Variants in THOC2 observed in about 807,000 individuals in gnomAD.
The protein encoded by THOC2 is THO complex subunit 2.
In THOC2, 10 loss-of-function variants were observed where a neutral mutation model predicts 128.4. That is an observed-to-expected ratio of 0.08 (90% confidence interval 0.05 to 0.13). The LOEUF (loss-of-function observed/expected upper bound fraction) is 0.13, where lower values mean the gene tolerates loss of function less well. Among genes scored for constraint, THOC2 ranks in the 10% least tolerant of loss-of-function variants. The pLI is 1.00. For synonymous variants in THOC2, 393 were observed against 396.9 expected, an observed-to-expected ratio of 0.99 and a Z score of 0.12; for missense variants, 535 against 1,155.7, an observed-to-expected ratio of 0.46 and a Z score of 7.79.
In THOC2 at chrX:123,665,698, G is replaced by T; in HGVS notation, c.1330C>A (p.His444Asn). Residue 444 changes from histidine to asparagine, a missense_variant, in exon 12 of 39, where the codon CAC becomes AAC. Around this residue, in one of 9 missense-constraint regions of THOC2, gnomAD observed 197 missense variants for 313.4 expected, o/e 0.63. Transcript: ENST00000245838. ...MFCYLGPHLS[H>N]DPILFAKVVR... ...ACTTTTGCAAATAAAATGGGATCGT[G>T]AGAAAGGTGAGGACCAAGGTAACAG... 1.7e-6 allele frequency: 2 copies of T among 1,201,260 alleles called. No homozygotes were observed. The highest frequency in any genetic ancestry group is 2.2e-6 in the Non-Finnish European group (2 of 890,160).
intron 12 of THOC2, among the ~76,000 whole-genome samples, chrX:123,662,852 G>A (rs1041646644): frequency 9.0e-6 from 1 of 111,591 alleles, no homozygotes; most frequent in Non-Finnish European, 1.9e-5. Context: ...ATAAGCACAT[G>A]AAAAGATGAT....
In THOC2 at chrX:123,671,771, TA is replaced by T. The variant is rs201356571; in HGVS notation, c.769-11del. 3.4e-3 allele frequency: 3,428 copies of T among 999,454 alleles called. No homozygotes were observed. Among genetic ancestry groups the T allele is most frequent in the Admixed American group, 5.9e-3 (204 of 34,542 alleles). The allele number at this position is 999,454 out of a possible 1,213,427, so 82.4% of individuals were successfully genotyped here. The stretch of plus-strand genomic sequence containing the variant: ...TCTCGCCATTTGGTTCCTAGAAATA[TA>T]AAAAAAAAAGTTTCCATTTAGTGCA... On this transcript the variant is annotated splice_polypyrimidine_tract_variant and intron_variant, in intron 8 of 38. Transcript: ENST00000245838.
chrX:123,619,372 T>C (rs776012708), intron 33 of THOC2, 29 bp downstream of exon 33: 2 of 993,532 alleles, frequency 2.0e-6, no homozygotes, highest in Non-Finnish European at 2.8e-6. Context: ...TTGGTTTACT[T>C]AGGCATGATG....
At chrX:123,662,635 A>G (rs1320153202) in intron 12 of THOC2, among the ~76,000 whole-genome samples, 2 of 110,231 alleles carry the variant, frequency 1.8e-5, no homozygotes, top group Non-Finnish European at 3.8e-5. Context: ...ATTAAACGTT[A>G]AAATTTTTTG....
chrX:123,603,866 AC>A (rs2046372498), intron 38 of THOC2: 1 of 153,315 alleles, frequency 6.5e-6, no homozygotes, highest in East Asian at 1.5e-4. Flanking sequence ...AGGATTACAA[AC>A]TTGAAAACTG....
intron 13 of THOC2, among the ~76,000 whole-genome samples, 179 bp downstream of exon 13, chrX:123,645,154 AG>A (rs915337677): frequency 4.5e-5 from 5 of 112,145 alleles, no homozygotes; most frequent in African/African-American, 1.6e-4. Context: ...TTTCAACATC[AG>A]GGGAAAAAAT....
intron 22 of THOC2, among the ~76,000 whole-genome samples, chrX:123,631,197 C>T (rs1471235555): frequency 8.9e-6 from 1 of 111,792 alleles, no homozygotes; most frequent in African/African-American, 3.2e-5. Context: ...GTCAAGAAAT[C>T]AGGTACCCTC....
At chrX:123,686,034 T>C (rs368551980) in intron 8 of THOC2, among the ~76,000 whole-genome samples, 1 of 111,145 alleles carries the variant, frequency 9.0e-6, no homozygotes, top group Non-Finnish European at 1.9e-5. Flanking sequence ...AAAAAATAAA[T>C]AAATAAAAAT....
At chrX:123,705,521 T>A (rs1186650657) in intron 3 of THOC2, among the ~76,000 whole-genome samples, 2 of 110,711 alleles carry the variant, frequency 1.8e-5, no homozygotes, top group African/African-American at 6.5e-5. Flanking sequence ...GAAAGATTGG[T>A]AGCAACTGAA....
chrX:123,696,295 T>G, intron 6 of THOC2, 141 bp from the exon 7 acceptor site: 1 of 432,136 alleles, frequency 2.3e-6, no homozygotes, highest in Non-Finnish European at 3.8e-6. Flanking sequence ...TACCTCTTTG[T>G]GTACCTTTTA....
intron 38 of THOC2, chrX:123,603,401 T>A: frequency 3.0e-6 from 1 of 337,714 alleles, no homozygotes; most frequent in Non-Finnish European, 5.1e-6. Context: ...AACTGGTTCC[T>A]GGAGGCGATT....
At position 123,657,891 on chromosome X, in the gene THOC2, CTAATA is replaced by C. The variant is rs201445296; in HGVS notation, c.1386+7746_1386+7750del. Reference sequence around the variant, plus strand: ...AAATGTTTATTTTTCTTATGCTTAACTAATATAACAAAAATAAGTTTGTTCAAAAT... The same window carrying C: ...AAATGTTTATTTTTCTTATGCTTAACTAACAAAAATAAGTTTGTTCAAAAT... On this transcript the variant is annotated intron_variant, in intron 12 of 38. Coordinates refer to ENST00000245838, the MANE Select transcript of THOC2 (RefSeq NM_001081550.2). Among the ~76,000 whole-genome samples the C allele has an allele frequency of 4.7e-3, 514 of 110,325 alleles. 4 individuals are homozygous for C. Among genetic ancestry groups the C allele is most frequent in the African/African-American group, 0.015 (463 of 30,324 alleles).
chrX:123,713,839 AG>A (rs1049288302), intron 1 of THOC2, among the ~76,000 whole-genome samples: 1 of 106,536 alleles, frequency 9.4e-6, no homozygotes, highest in Non-Finnish European at 1.9e-5. Context: ...CCTGGGAGAC[AG>A]GAAAAAAAAA....
intron 12 of THOC2, among the ~76,000 whole-genome samples, chrX:123,655,415 T>C (rs1173792600): frequency 2.7e-5 from 3 of 112,089 alleles, no homozygotes; most frequent in Non-Finnish European, 3.8e-5. Context: ...GTTTATAAAC[T>C]ACAGTTTTGG....
intron 33 of THOC2, among the ~76,000 whole-genome samples, chrX:123,615,111 T>C (rs2046842185): frequency 8.9e-6 from 1 of 111,733 alleles, no homozygotes; most frequent in African/African-American, 3.2e-5. Flanking sequence ...TACAAGCCTA[T>C]GTTTAATTTA....
At chrX:123,631,453 T>A (rs1448391942) in intron 22 of THOC2, among the ~76,000 whole-genome samples, 1 of 112,116 alleles carries the variant, frequency 8.9e-6, no homozygotes, top group South Asian at 3.7e-4. Flanking sequence ...GCAGTTGATA[T>A]GTAAACACTA....
At chrX:123,700,934 C>T (rs1404146867) in intron 4 of THOC2, among the ~76,000 whole-genome samples, 2 of 111,447 alleles carry the variant, frequency 1.8e-5, no homozygotes, top group Non-Finnish European at 3.8e-5. Flanking sequence ...ACTCCTATTC[C>T]CCATCCTTGA....
chrX:123,695,295 C>T (rs1021123797), intron 7 of THOC2, among the ~76,000 whole-genome samples: 2 of 111,854 alleles, frequency 1.8e-5, no homozygotes, highest in Admixed American at 9.5e-5. Flanking sequence ...CTCTTTCCAC[C>T]TCAGGAAAAT....
At chrX:123,657,957 ATGCGTG>A (rs2048669530) in intron 12 of THOC2, among the ~76,000 whole-genome samples, 1 of 76,841 alleles carries the variant, frequency 1.3e-5, no homozygotes, top group South Asian at 8.7e-4. Context: ...ACATACGCAT[ATGCGTG>A]TGTGTGTGTG....
Sources: gnomAD v4.1 joint callset for allele counts (sites outside exome capture counted in the v4.1 genomes callset) on GRCh38, gnomAD v4.1.1 for gene constraint, gnomAD v4.1.1 regional missense constraint, MANE v1.5 for transcripts, NCBI Gene and HGNC (gene_info 2026-07-23, HGNC 2026-07-21) for gene names.